Variants in PIH1D2 observed in about 807,000 individuals in gnomAD.
The protein encoded by PIH1D2 is PIH1 domain containing 2.
PIH1D2 carries 25 observed loss-of-function variants against 31.2 expected under a neutral mutation model. That is an observed-to-expected ratio of 0.80 (90% CI 0.58 to 1.12). The LOEUF (loss-of-function observed/expected upper bound fraction) is 1.12, where lower values mean the gene tolerates loss of function less well. Ranked by LOEUF, PIH1D2 falls within the 50% of genes most tolerant of loss-of-function variation. PIH1D2 has a pLI of 0.00. For missense variants in PIH1D2, 310 were observed against 356.6 expected (o/e 0.87, Z 1.05); for synonymous variants, 116 against 119.9 (o/e 0.97, Z 0.21).
At chr11:112,059,997 A>AT, downstream of PIH1D2, 1 of 1,614,048 alleles carries the variant, frequency 6.2e-7, no homozygotes, top group Non-Finnish European at 8.5e-7. Context: ...AGTGGAAACC[A>AT]TTGCTAATGA....
chr11:112,054,928 T>C, the PIH1D2 span, among the ~76,000 whole-genome samples: 1 of 152,200 alleles, frequency 6.6e-6, no homozygotes, highest in Non-Finnish European at 1.5e-5. Context: ...TGTGTCTGTA[T>C]TTTCTCTTCT....
At chr11:112,061,371 A>C (rs1555183271), downstream of PIH1D2, 1 of 597,848 alleles carries the variant, frequency 1.7e-6, no homozygotes, top group East Asian at 3.0e-5. Flanking sequence ...TTCTTGACTT[A>C]TAATAATACA....
At chr11:112,069,263 C>CAA (rs200700277) in intron 5 of PIH1D2, among the ~76,000 whole-genome samples, 1 of 151,960 alleles carries the variant, frequency 6.6e-6, no homozygotes, top group East Asian at 1.9e-4. Flanking sequence ...TTCGGCCTCC[C>CAA]AAAATCCTAG....
chr11:112,060,071 G>A (rs781851576), downstream of PIH1D2: 7 of 1,609,430 alleles, frequency 4.3e-6, no homozygotes, highest in South Asian at 6.6e-5. Flanking sequence ...TCCAGGTAGG[G>A]TATTAATTAT....
At chr11:112,059,850 C>T (rs1452636290), downstream of PIH1D2, 6 of 1,447,582 alleles carry the variant, frequency 4.1e-6, 1 homozygote, top group South Asian at 2.6e-5. Flanking sequence ...TAACCTGGCA[C>T]ACAGGCTCTT....
chr11:112,060,942 C>A (rs919945707), downstream of PIH1D2: 2 of 1,120,502 alleles, frequency 1.8e-6, no homozygotes, highest in South Asian at 2.8e-5. Context: ...TAAGACCTTG[C>A]ACCTTTTTAG....
downstream of PIH1D2, chr11:112,061,200 C>T (rs368938643): frequency 3.3e-5 from 54 of 1,613,326 alleles, no homozygotes; most frequent in African/African-American, 9.3e-5. Context: ...GAGGGGAAGT[C>T]GTAAGCTAAT....
downstream of PIH1D2, among the ~76,000 whole-genome samples, chr11:112,060,310 G>T (rs2135159537): frequency 6.6e-6 from 1 of 151,750 alleles, no homozygotes; most frequent in East Asian, 1.9e-4. Flanking sequence ...ACAGGCACCT[G>T]CCACCACGCC....
downstream of PIH1D2, chr11:112,063,184 A>C (rs2135179630): frequency 6.6e-6 from 1 of 152,422 alleles, no homozygotes; most frequent in Middle Eastern, 3.4e-3. Context: ...ACTTGAGATA[A>C]TCTAAATATA....
intron 5 of PIH1D2, chr11:112,070,115 T>G: frequency 2.0e-6 from 1 of 500,724 alleles, no homozygotes; most frequent in East Asian, 3.2e-5. Context: ...TGACTTCCTG[T>G]GACTGTGAGA....
downstream of PIH1D2, among the ~76,000 whole-genome samples, chr11:112,059,663 G>A (rs1269892524): frequency 1.3e-5 from 2 of 152,132 alleles, no homozygotes; most frequent in Non-Finnish European, 2.9e-5. Flanking sequence ...AAAGTGTTGG[G>A]ATTACAGGCA....
the PIH1D2 span, among the ~76,000 whole-genome samples, chr11:112,056,554 G>A: frequency 6.6e-6 from 1 of 152,016 alleles, no homozygotes; most frequent in Non-Finnish European, 1.5e-5. Context: ...GTGTTTAATC[G>A]TATCAATATA....
chr11:112,059,994 A>T (rs1555183013), downstream of PIH1D2: 1 of 1,614,042 alleles, frequency 6.2e-7, no homozygotes, highest in East Asian at 2.2e-5. Flanking sequence ...AGGAGTGGAA[A>T]CCATTGCTAA....
At chr11:112,054,278 C>T in the PIH1D2 span, among the ~76,000 whole-genome samples, 1 of 152,012 alleles carries the variant, frequency 6.6e-6, no homozygotes, top group African/African-American at 2.4e-5. Context: ...ATTGCACGCG[C>T]CACTGCACTC....
Position 112,069,004 on chromosome 11 carries a change from T to G in PIH1D2, c.814-999A>C, listed in dbSNP as rs1349850538. On this transcript the variant is annotated intron_variant, in intron 5 of 5. Transcript: ENST00000280350. ...TTTGTTTTTTTTTTTTTTTGTTTTTTTTTTTTTGAGGGGAGACAGAGTCTC... is the reference window on the plus strand; with the variant it reads ...TTTGTTTTTTTTTTTTTTTGTTTTTGTTTTTTTGAGGGGAGACAGAGTCTC... 3.0e-3 allele frequency among the ~76,000 whole-genome samples: 433 copies of G among 142,600 alleles called. 4 individuals carry two copies. The highest frequency in any genetic ancestry group is 0.01 in the African/African-American group (372 of 36,266). 93.6% of individuals were successfully genotyped at this position (142,600 alleles called of 152,430 possible). A position where few individuals can be genotyped will look rare whatever the true frequency, so the allele number is the denominator to read the frequency against.
At chr11:112,058,385 T>C (rs1397826965), downstream of PIH1D2, among the ~76,000 whole-genome samples, 2 of 152,208 alleles carry the variant, frequency 1.3e-5, no homozygotes, top group Non-Finnish European at 2.9e-5. Context: ...AGTGACAAAA[T>C]CCTGCTCTAG....
Position 112,072,991 on chromosome 11 carries a change from G to A in PIH1D2, c.177+7C>T, listed in dbSNP as rs975191258. The A allele has an allele frequency of 4.4e-6, 7 of 1,594,162 alleles. No individual in the cohort carries two copies. In the Middle Eastern group the frequency reaches 5.3e-4, roughly 120 times the overall value. The stretch of plus-strand genomic sequence containing the variant: ...ACCTCCCCATCCCTGGCACCAACTC[G>A]ACATACCAGAATCCTGGTCTGTAGA... On this transcript the variant is annotated splice_region_variant and intron_variant, in intron 2 of 5. Coordinates refer to ENST00000280350, the MANE Select transcript of PIH1D2 (RefSeq NM_138789.4).
downstream of PIH1D2, among the ~76,000 whole-genome samples, chr11:112,064,930 T>C (rs587713631): frequency 2.0e-5 from 3 of 150,488 alleles, no homozygotes; most frequent in East Asian, 3.9e-4. Context: ...AACCTCTGCC[T>C]TCTGGGTACA....
downstream of PIH1D2, among the ~76,000 whole-genome samples, chr11:112,058,667 G>A (rs1451352550): frequency 6.7e-6 from 1 of 149,792 alleles, no homozygotes; most frequent in African/African-American, 2.5e-5. Flanking sequence ...CTAACATTTA[G>A]CATTTCTTCC....
Sources: gnomAD v4.1 joint callset for allele counts (sites outside exome capture counted in the v4.1 genomes callset) on GRCh38, gnomAD v4.1.1 for gene constraint, MANE v1.5 for transcripts, NCBI Gene and HGNC (gene_info 2026-07-23, HGNC 2026-07-21) for gene names.